The following BMPR2 variants were observed in gnomAD, a reference collection of about 807,000 sequenced individuals.
BMPR2 encodes the protein bone morphogenetic protein receptor type 2, also known as bone morphogenetic protein receptor type-2.
A neutral mutation model predicts 100.8 loss-of-function variants in BMPR2; 29 were observed. The observed-to-expected ratio is 0.29, with a 90% CI of 0.21 to 0.39. The LOEUF is 0.39. Ranked by LOEUF, BMPR2 falls within the 10% of genes least tolerant of loss-of-function variation. The pLI is 1.00. For missense variants in BMPR2, 1,011 were observed against 1,274.5 expected, an observed-to-expected ratio of 0.79 and a Z score of 3.15; for synonymous variants, 382 against 442.3, an observed-to-expected ratio of 0.86 and a Z score of 1.71.
At chr2:202,448,495 C>T (rs1262265344) in intron 1 of BMPR2, among the ~76,000 whole-genome samples, 1 of 150,620 alleles carries the variant, frequency 6.6e-6, no homozygotes, top group Admixed American at 6.6e-5. Context: ...GTTGCTCTGT[C>T]GCCCAGGCTG....
intron 9 of BMPR2, among the ~76,000 whole-genome samples, chr2:202,533,508 C>T (rs1688065490): frequency 6.6e-6 from 1 of 150,944 alleles, no homozygotes. Flanking sequence ...GCCTGGGCAA[C>T]AAGAGCAAAA....
rs7572177 is a variant in BMPR2, at chr2:202,560,745, A to C, written c.*799A>C. On this transcript the variant is annotated 3_prime_UTR_variant, in exon 13 of 13. Transcript: ENST00000374580. ...CTTCCAAATCCTAAATGTTTCCTTC[A>C]AGGCATCTTAATAAACTTATTTGCT... 155 of 152,752 alleles carry C rather than the reference A, an allele frequency of 1.0e-3. No individual in the cohort carries two copies. The highest frequency in any genetic ancestry group is 3.6e-3 in the African/African-American group (149 of 41,584). 9.5% of individuals were successfully genotyped at this position (152,752 alleles called of 1,614,324 possible).
intron 10 of BMPR2, among the ~76,000 whole-genome samples, chr2:202,543,222 TTATA>T (rs1008965661): frequency 6.8e-6 from 1 of 146,820 alleles, no homozygotes; most frequent in Non-Finnish European, 1.5e-5. Flanking sequence ...ACATATATAT[TTATA>T]TATATATTTA....
chr2:202,451,115 C>T (rs1238016442), intron 1 of BMPR2, among the ~76,000 whole-genome samples: 1 of 152,080 alleles, frequency 6.6e-6, no homozygotes, highest in Non-Finnish European at 1.5e-5. Context: ...ATTACAACTA[C>T]TGAAAAATGG....
At chr2:202,458,511 A>G (rs1692166715) in intron 1 of BMPR2, among the ~76,000 whole-genome samples, 1 of 151,950 alleles carries the variant, frequency 6.6e-6, no homozygotes, top group Non-Finnish European at 1.5e-5. Flanking sequence ...TAATTCTCTT[A>G]TAGTCTATCT....
At chr2:202,497,625 G>A (rs1425882814) in intron 3 of BMPR2, among the ~76,000 whole-genome samples, 27 of 152,146 alleles carry the variant, frequency 1.8e-4, no homozygotes, top group Non-Finnish European at 3.4e-4. Context: ...TTGACCCTGC[G>A]GCCATGGGCA....
At chr2:202,558,799 A>G (rs1336879751) in intron 12 of BMPR2, among the ~76,000 whole-genome samples, 1 of 150,620 alleles carries the variant, frequency 6.6e-6, no homozygotes, top group Non-Finnish European at 1.5e-5. Flanking sequence ...AGGCTGAGGC[A>G]GGTGACTTGC....
In BMPR2 at chr2:202,476,080, T is replaced by TAAAAA. The variant is rs56243938; in HGVS notation, c.418+8414_418+8418dup. 4.2e-5 allele frequency among the ~76,000 whole-genome samples: 4 copies of TAAAAA among 95,408 alleles called. No individual in the cohort carries two copies. The East Asian group carries it at 9.8e-4, about 23-fold the overall frequency. 62.6% of individuals were successfully genotyped at this position (95,408 alleles called of 152,430 possible). A position where few individuals can be genotyped will look rare whatever the true frequency, so the allele number is the denominator to read the frequency against. ...CAAGAGTGAAACTCTGTCTCAAGGT[T>TAAAAA]AAAAAAAAAAAAAAAAAAAAAAAAA... is the stretch of plus-strand genomic sequence containing the variant. On this transcript the variant is annotated intron_variant, in intron 3 of 12. Transcript: ENST00000374580.
chr2:202,540,497 C>T (rs1394895806), intron 9 of BMPR2, among the ~76,000 whole-genome samples: 1 of 152,144 alleles, frequency 6.6e-6, no homozygotes, highest in East Asian at 1.9e-4. Context: ...GTGAAACTCA[C>T]TTGTATTTAT....
At chr2:202,543,517 A>G (rs1476102487) in intron 10 of BMPR2, among the ~76,000 whole-genome samples, 1 of 151,740 alleles carries the variant, frequency 6.6e-6, no homozygotes, top group African/African-American at 2.4e-5. Flanking sequence ...TATTGATAAA[A>G]TCATATAATG....
chr2:202,388,972 C>A lies in BMPR2; in HGVS notation c.76+11422C>A, dbSNP rs143703243. 2.9e-3 allele frequency among the ~76,000 whole-genome samples: 444 copies of A among 151,964 alleles called. 6 individuals carry two copies. Among genetic ancestry groups the A allele is most frequent in the Admixed American group, 0.023 (353 of 15,246 alleles). On this transcript the variant is annotated intron_variant, in intron 1 of 12. Transcript: ENST00000374580. Reference sequence around the variant, plus strand: ...AAAGTGTGGGCTGGGTGCAGTGGCTCGCGCCTGTAATCTTTGGGAGGCTGA... The same window carrying A: ...AAAGTGTGGGCTGGGTGCAGTGGCTAGCGCCTGTAATCTTTGGGAGGCTGA...
chr2:202,439,358 A>G (rs1385475140), intron 1 of BMPR2, among the ~76,000 whole-genome samples: 3 of 142,740 alleles, frequency 2.1e-5, no homozygotes, highest in Non-Finnish European at 4.5e-5. Flanking sequence ...ATTTTTTTGT[A>G]GGTTCCTTAG....
intron 1 of BMPR2, among the ~76,000 whole-genome samples, chr2:202,457,859 A>G (rs988156005): frequency 6.6e-6 from 1 of 151,956 alleles, no homozygotes; most frequent in Non-Finnish European, 1.5e-5. Flanking sequence ...CCTCCCAAGT[A>G]GCTGAGATGA....
At chr2:202,429,425 C>G (rs924559041) in intron 1 of BMPR2, among the ~76,000 whole-genome samples, 5 of 152,166 alleles carry the variant, frequency 3.3e-5, no homozygotes, top group Non-Finnish European at 7.3e-5. Context: ...TTAACACGTT[C>G]TTGCTAAGCT....
intron 3 of BMPR2, among the ~76,000 whole-genome samples, chr2:202,477,164 A>T (rs561277003): frequency 1.3e-5 from 2 of 152,240 alleles, no homozygotes; most frequent in Non-Finnish European, 2.9e-5. Context: ...TATCCAATTT[A>T]TGTGGGTGTT....
intron 1 of BMPR2, among the ~76,000 whole-genome samples, chr2:202,463,728 G>A (rs1413879761): frequency 6.6e-6 from 1 of 152,198 alleles, no homozygotes; most frequent in African/African-American, 2.4e-5. Flanking sequence ...TGTGGCAAAT[G>A]TTCTACAAAA....
At chr2:202,518,179 C>A (rs1307274236) in intron 5 of BMPR2, among the ~76,000 whole-genome samples, 3 of 143,632 alleles carry the variant, frequency 2.1e-5, no homozygotes, top group Non-Finnish European at 4.5e-5. Context: ...GCTCTTTCGC[C>A]CAGGCTGGAG....
At chr2:202,452,787 T>G (rs1452326926) in intron 1 of BMPR2, among the ~76,000 whole-genome samples, 1 of 152,234 alleles carries the variant, frequency 6.6e-6, no homozygotes, top group Non-Finnish European at 1.5e-5. Flanking sequence ...TAGCTTATAC[T>G]TTAATGAACA....
At chr2:202,521,147 GTCTT>G (rs1687812390) in intron 7 of BMPR2, among the ~76,000 whole-genome samples, 1 of 152,146 alleles carries the variant, frequency 6.6e-6, no homozygotes, top group South Asian at 2.1e-4. Flanking sequence ...CTTAGTCACT[GTCTT>G]TCTATTAGGT....
Sources: allele counts gnomAD v4.1 joint callset (sites outside exome capture counted in the v4.1 genomes callset), GRCh38; gene constraint gnomAD v4.1.1; transcripts MANE v1.5; gene names NCBI Gene and HGNC (gene_info 2026-07-23, HGNC 2026-07-21).